Variants in GPATCH2L observed in about 807,000 individuals in gnomAD.
GPATCH2L encodes the protein G patch domain-containing protein 2-like.
A neutral mutation model predicts 57.4 loss-of-function variants in GPATCH2L; 31 were observed. The observed-to-expected ratio is 0.54, with a 90% CI of 0.41 to 0.73. GPATCH2L has a LOEUF of 0.73. Ranked by LOEUF, GPATCH2L falls within the 30% of genes least tolerant of loss-of-function variation. The pLI is 0.00. For missense variants in GPATCH2L, 481 were observed against 599.9 expected (o/e 0.80, Z 2.07); for synonymous variants, 199 against 210.7 (o/e 0.94, Z 0.48).
intron 8 of GPATCH2L, among the ~76,000 whole-genome samples, chr14:76,181,838 A>G (rs2039570191): frequency 6.6e-6 from 1 of 152,180 alleles, no homozygotes; most frequent in South Asian, 2.1e-4. Context: ...CAAGGTTCTG[A>G]TGACTCTTTT....
At chr14:76,157,372 A>G (rs2038358668) in intron 2 of GPATCH2L, among the ~76,000 whole-genome samples, 1 of 152,234 alleles carries the variant, frequency 6.6e-6, no homozygotes, top group Non-Finnish European at 1.5e-5. Flanking sequence ...GGCTGGCATT[A>G]GAGTGTAAGG....
chr14:76,153,828 T>A (rs1259356599), intron 1 of GPATCH2L: 3 of 152,296 alleles, frequency 2.0e-5, no homozygotes, highest in Non-Finnish European at 2.9e-5. Context: ...TCTGCCATGG[T>A]CATTGTCAGC....
At chr14:76,223,337 TG>T (rs2040523479) in intron 1 of GPATCH2L, among the ~76,000 whole-genome samples, 1 of 152,230 alleles carries the variant, frequency 6.6e-6, no homozygotes, top group African/African-American at 2.4e-5. Context: ...CCCATTCAAC[TG>T]GATTTATTTT....
At chr14:76,232,666 T>A (rs573179189) in intron 2 of GPATCH2L, among the ~76,000 whole-genome samples, 2 of 152,258 alleles carry the variant, frequency 1.3e-5, no homozygotes, top group African/African-American at 4.8e-5. Context: ...AGGGCACAAA[T>A]TAAAACCAGC....
intron 1 of GPATCH2L, among the ~76,000 whole-genome samples, chr14:76,222,933 G>A (rs1440100048): frequency 4.1e-5 from 6 of 148,142 alleles, no homozygotes; most frequent in African/African-American, 1.5e-4. Context: ...TCCAGCCTGG[G>A]CAACAGAGTG....
At chr14:76,172,398 A>T (rs1176409933) in intron 4 of GPATCH2L, among the ~76,000 whole-genome samples, 2 of 152,256 alleles carry the variant, frequency 1.3e-5, no homozygotes, top group Non-Finnish European at 2.9e-5. Flanking sequence ...TTTCAGTAAG[A>T]GTATTCACAT....
At chr14:76,224,147 A>G (rs1163057334) in intron 1 of GPATCH2L, among the ~76,000 whole-genome samples, 1 of 152,218 alleles carries the variant, frequency 6.6e-6, no homozygotes, top group East Asian at 1.9e-4. Flanking sequence ...AAAAGGCCAT[A>G]TTCCACTTAC....
At chr14:76,170,981 A>G (rs1183225959) in intron 3 of GPATCH2L, among the ~76,000 whole-genome samples, 1 of 152,126 alleles carries the variant, frequency 6.6e-6, no homozygotes, top group African/African-American at 2.4e-5. Flanking sequence ...GATTTTTAGC[A>G]TGGATCCTGG....
chr14:76,201,615 A>G, intron 9 of GPATCH2L, 76 bp from the exon 10 acceptor site: 3 of 1,114,608 alleles, frequency 2.7e-6, no homozygotes, highest in Non-Finnish European at 3.7e-6. Flanking sequence ...TTTTCTAAGT[A>G]TCTCTCATTC....
At chr14:76,166,856 G>A (rs944825262) in intron 3 of GPATCH2L, 129 bp downstream of exon 3, 3 of 702,556 alleles carry the variant, frequency 4.3e-6, no homozygotes, top group Non-Finnish European at 5.1e-6. Context: ...AGGCATATGA[G>A]AGTCACCTAG....
intron 1 of GPATCH2L, among the ~76,000 whole-genome samples, chr14:76,222,954 CAAAA>C (rs36032954): frequency 8.8e-6 from 1 of 113,514 alleles, no homozygotes; most frequent in South Asian, 2.4e-4. Flanking sequence ...AGACTGTGTT[CAAAA>C]AAAAAAAAAA....
At chr14:76,214,915 G>A (rs1002016308), downstream of GPATCH2L, among the ~76,000 whole-genome samples, 5 of 151,978 alleles carry the variant, frequency 3.3e-5, no homozygotes, top group African/African-American at 1.2e-4. Flanking sequence ...AGGGGTGCAT[G>A]TGCAGGTTTG....
chr14:76,223,031 G>A (rs991006926), intron 1 of GPATCH2L, among the ~76,000 whole-genome samples: 1 of 151,374 alleles, frequency 6.6e-6, no homozygotes, highest in South Asian at 2.1e-4. Context: ...CCCCAGTCCA[G>A]ATTTTTTTCT....
chr14:76,166,562 G>T (rs1456238394), intron 2 of GPATCH2L, 101 bp from the exon 3 acceptor site: 6 of 690,706 alleles, frequency 8.7e-6, no homozygotes, highest in African/African-American at 7.0e-5. Flanking sequence ...TGACTAACAG[G>T]TTGGAGTGAA....
rs5809749 is a variant in GPATCH2L, at chr14:76,177,707, G to T, written c.1053-281G>T. ...TTTTCCTTTGAAGAGGTTTTTTTTT[G>T]TTTTTGTTTTTGCAAAACATTCACA... On this transcript the variant is annotated intron_variant, in intron 6 of 9. Transcript: ENST00000261530. 0.86 allele frequency among the ~76,000 whole-genome samples: 119,248 copies of T among 138,186 alleles called. 50,267 individuals are homozygous for T. The highest frequency in any genetic ancestry group is 0.89 in the Middle Eastern group (242 of 272). The allele number at this position is 138,186 out of a possible 152,430, so 90.7% of individuals were successfully genotyped here. A position where few individuals can be genotyped will look rare whatever the true frequency, so the allele number is the denominator to read the frequency against.
chr14:76,230,458 A>G (rs536061344), intron 2 of GPATCH2L: 2 of 152,198 alleles, frequency 1.3e-5, no homozygotes, highest in South Asian at 2.1e-4. Context: ...CAACTGTAGA[A>G]TAGATGGAAT....
rs1223377711 is a variant in GPATCH2L, at chr14:76,210,185, C to T, written c.*8334C>T. ...GGCAAATATGTATTTGGTGGTCTGCCATTTGGAAGCAACATCTCACTTATT... is the reference window on the plus strand; with the variant it reads ...GGCAAATATGTATTTGGTGGTCTGCTATTTGGAAGCAACATCTCACTTATT... On this transcript the variant is annotated 3_prime_UTR_variant, in exon 10 of 10. Transcript: ENST00000261530. 1 of 152,156 alleles carries T rather than the reference C, an allele frequency of 6.6e-6. No homozygotes were observed. Among genetic ancestry groups the T allele is most frequent in the Non-Finnish European group, 1.5e-5 (1 of 68,030 alleles). The allele number at this position is 152,156 out of a possible 1,614,324, so 9.4% of individuals were successfully genotyped here.
Position 76,180,768 on chromosome 14 carries a change from A to G in GPATCH2L, c.1112A>G (p.Asn371Ser). The G allele has an allele frequency of 6.2e-7, 1 of 1,608,148 alleles. No individual in the cohort carries two copies. The highest frequency in any genetic ancestry group is 8.5e-7 in the Non-Finnish European group (1 of 1,174,576). Residue 371 changes from asparagine to serine, a missense_variant, in exon 8 of 10, where the codon AAT becomes AGT. Transcript: ENST00000261530. The stretch of plus-strand genomic sequence containing the variant: ...TAGTCTTATTCATTCCTGCAGTTCA[A>G]TCCCCTGTCTCCCCTTTACTCCCTG... ...PHISACAHEF[N>S]PLSPLYSLDV...
At chr14:76,191,872 C>T (rs2039978437) in intron 8 of GPATCH2L, among the ~76,000 whole-genome samples, 1 of 152,068 alleles carries the variant, frequency 6.6e-6, no homozygotes, top group Non-Finnish European at 1.5e-5. Context: ...CTATAGAATG[C>T]TAGAATTTAT....
Sources: gnomAD v4.1 joint callset for allele counts (sites outside exome capture counted in the v4.1 genomes callset) on GRCh38, gnomAD v4.1.1 for gene constraint, MANE v1.5 for transcripts, NCBI Gene and HGNC (gene_info 2026-07-23, HGNC 2026-07-21) for gene names.